PPP6R3: variants seen among roughly 807,000 people sequenced by gnomAD.
The protein encoded by PPP6R3 is protein phosphatase 6 regulatory subunit 3.
Under a neutral mutation model 110.7 loss-of-function variants are expected in PPP6R3, and 38 were observed. The ratio of observed to expected loss-of-function variants is 0.34; its 90% confidence interval spans 0.26 to 0.45. The LOEUF (loss-of-function observed/expected upper bound fraction) is 0.45, where lower values mean the gene tolerates loss of function less well. Among genes scored for constraint, PPP6R3 ranks in the 20% least tolerant of loss-of-function variants. PPP6R3 has a pLI of 1.00. For synonymous variants in PPP6R3, 369 were observed against 373.5 expected (o/e 0.99, Z 0.14); for missense variants, 870 against 1,062.4 (o/e 0.82, Z 2.52).
chr11:68,536,244 A>G (rs1213318725), intron 2 of PPP6R3, among the ~76,000 whole-genome samples: 2 of 151,684 alleles, frequency 1.3e-5, no homozygotes, highest in Admixed American at 6.6e-5. Context: ...TTCCTGTCTG[A>G]TCTCCTAAAG....
Position 68,613,823 on chromosome 11 carries a change from C to A in PPP6R3, c.*706C>A. The A allele has an allele frequency of 1.0e-6, 1 of 983,426 alleles. No homozygotes were observed. Among genetic ancestry groups the A allele is most frequent in the African/African-American group, 1.8e-5 (1 of 56,618 alleles). The allele number at this position is 983,426 out of a possible 1,614,324, so 60.9% of individuals were successfully genotyped here. Reference sequence around the variant, plus strand: ...GTAAAGCCATATGTTCTGTTCAAGTCTTGTTTGCTTGAAATGATTATTCCT... The same window carrying A: ...GTAAAGCCATATGTTCTGTTCAAGTATTGTTTGCTTGAAATGATTATTCCT... On this transcript the variant is annotated 3_prime_UTR_variant, in exon 24 of 24. Transcript: ENST00000393800.
intron 2 of PPP6R3, among the ~76,000 whole-genome samples, chr11:68,528,547 G>C (rs2099215442): frequency 1.3e-5 from 2 of 151,926 alleles, no homozygotes; most frequent in South Asian, 2.1e-4. Context: ...ATTGAGAGCT[G>C]CTTTTAAAGA....
At chr11:68,462,171 A>G (rs377546988) in intron 1 of PPP6R3, among the ~76,000 whole-genome samples, 47 of 152,316 alleles carry the variant, frequency 3.1e-4, no homozygotes, top group African/African-American at 1.1e-3. Context: ...TGGTTAGGCT[A>G]GTTAATGGCT....
chr11:68,613,249 T>C lies in PPP6R3; in HGVS notation c.*132T>C, dbSNP rs1445088594. On this transcript the variant is annotated 3_prime_UTR_variant, in exon 24 of 24. Coordinates refer to ENST00000393800, the MANE Select transcript of PPP6R3 (RefSeq NM_001164161.2). The stretch of plus-strand genomic sequence containing the variant: ...GCAAGGGATCAGGACCAGCAACCTT[T>C]ATATTCTAGATTCTAAGACATTGTA... 2.8e-5 allele frequency: 41 copies of C among 1,440,626 alleles called. No homozygotes were observed. The highest frequency in any genetic ancestry group is 3.5e-5 in the Non-Finnish European group (39 of 1,099,152). The allele number at this position is 1,440,626 out of a possible 1,614,324, so 89.2% of individuals were successfully genotyped here.
chr11:68,584,552 C>T (rs1479006797), intron 15 of PPP6R3, among the ~76,000 whole-genome samples: 4 of 152,194 alleles, frequency 2.6e-5, no homozygotes, highest in African/African-American at 7.2e-5. Context: ...TAATGATAAA[C>T]TTGGAACTTC....
chr11:68,497,196 G>A (rs1274548616), intron 1 of PPP6R3, among the ~76,000 whole-genome samples: 4 of 141,908 alleles, frequency 2.8e-5, no homozygotes, highest in African/African-American at 7.9e-5. Flanking sequence ...ACAGGTGCCC[G>A]CCACCACGCC....
chr11:68,595,574 A>G (rs971560917), intron 18 of PPP6R3, among the ~76,000 whole-genome samples: 2 of 152,156 alleles, frequency 1.3e-5, no homozygotes, highest in African/African-American at 2.4e-5. Context: ...TCACTCTTCA[A>G]ATGACACTTT....
intron 1 of PPP6R3, among the ~76,000 whole-genome samples, chr11:68,511,267 A>C (rs1592279750): frequency 1.3e-5 from 2 of 151,922 alleles, no homozygotes; most frequent in Admixed American, 6.6e-5. Flanking sequence ...GGGTTTCGCC[A>C]TGTTGGTAAG....
chr11:68,495,625 C>G (rs2099010509), intron 1 of PPP6R3, among the ~76,000 whole-genome samples: 1 of 152,124 alleles, frequency 6.6e-6, no homozygotes, highest in African/African-American at 2.4e-5. Context: ...CCCTCTTAGC[C>G]ATGTTTTCAA....
chr11:68,600,450 A>G lies in PPP6R3; in HGVS notation c.2148A>G (p.Lys716=). Residue 716 remains lysine, a synonymous_variant, in exon 20 of 24, where the codon AAA becomes AAG. Coordinates refer to ENST00000393800, the MANE Select transcript of PPP6R3 (RefSeq NM_001164161.2). ...VWSTEEPMPT[K]ETGWASFSEF... ...GCACAGAGGAGCCGATGCCAACTAA[A>G]GAGACGGGCTGGGCTTCTTTTTCAG... 6.2e-7 allele frequency: 1 copy of G among 1,614,134 alleles called. No individual in the cohort carries two copies. Among genetic ancestry groups the G allele is most frequent in the Non-Finnish European group, 8.5e-7 (1 of 1,180,014 alleles).
At position 68,523,388 on chromosome 11, in the gene PPP6R3, T is replaced by C. The variant is rs114829196; in HGVS notation, c.-7+3737T>C. ...TTCTGGTTTTATGTATTGTCATGTT[T>C]TGGTGAAGAACATTCTGCAGTAGCT... On this transcript the variant is annotated intron_variant, in intron 2 of 23. Coordinates refer to ENST00000393800, the MANE Select transcript of PPP6R3 (RefSeq NM_001164161.2). 2.7e-3 allele frequency among the ~76,000 whole-genome samples: 406 copies of C among 152,326 alleles called. 1 individual carries two copies. The highest frequency in any genetic ancestry group is 9.2e-3 in the African/African-American group (381 of 41,576).
intron 15 of PPP6R3, among the ~76,000 whole-genome samples, chr11:68,585,135 C>T (rs372839600): frequency 6.6e-5 from 10 of 152,298 alleles, no homozygotes; most frequent in African/African-American, 2.2e-4. Context: ...TGCCTCCAGG[C>T]GTTTGTGCCC....
intron 1 of PPP6R3, among the ~76,000 whole-genome samples, chr11:68,513,308 T>A (rs1473078466): frequency 2.0e-5 from 3 of 152,106 alleles, no homozygotes; most frequent in African/African-American, 7.2e-5. Flanking sequence ...ACAAATCTGG[T>A]ATTGGGGAAG....
chr11:68,584,681 TTTTG>T (rs764298397), intron 15 of PPP6R3, among the ~76,000 whole-genome samples: 9 of 152,204 alleles, frequency 5.9e-5, no homozygotes, highest in East Asian at 1.9e-4. Flanking sequence ...TCTTACATTA[TTTTG>T]TTTGTTTGAC....
chr11:68,545,450 T>C (rs886942986), intron 4 of PPP6R3, among the ~76,000 whole-genome samples: 1 of 152,150 alleles, frequency 6.6e-6, no homozygotes, highest in Admixed American at 6.5e-5. Flanking sequence ...TAATTGGTGA[T>C]TGGTTTGTAC....
intron 11 of PPP6R3, 109 bp from the exon 12 acceptor site, chr11:68,570,931 G>A (rs2099501915): frequency 7.4e-7 from 1 of 1,352,226 alleles, no homozygotes; most frequent in South Asian, 1.4e-5. Context: ...GTAACATTTA[G>A]CTTGCTAGAT....
chr11:68,569,487 A>G lies in PPP6R3; in HGVS notation c.1129-261A>G, dbSNP rs528068413. Reference sequence around the variant, plus strand: ...CTATACTGTAATGAATGTTATGTGAATGTCATCTCTTGGATTAGCATGTCT... The same window carrying G: ...CTATACTGTAATGAATGTTATGTGAGTGTCATCTCTTGGATTAGCATGTCT... On this transcript the variant is annotated intron_variant, in intron 10 of 23. Transcript: ENST00000393800. 3.3e-5 allele frequency among the ~76,000 whole-genome samples: 5 copies of G among 152,336 alleles called. No homozygotes were observed. In the South Asian group the frequency reaches 8.3e-4, roughly 25 times the overall value.
intron 6 of PPP6R3, among the ~76,000 whole-genome samples, chr11:68,553,293 CTTT>C (rs35624425): frequency 5.8e-5 from 8 of 138,650 alleles, no homozygotes; most frequent in Admixed American, 7.2e-5. Flanking sequence ...TTTGCTTTTA[CTTT>C]TTTTTTTTTT....
intron 1 of PPP6R3, among the ~76,000 whole-genome samples, chr11:68,490,339 C>T (rs2098975877): frequency 6.6e-6 from 1 of 152,008 alleles, no homozygotes; most frequent in Non-Finnish European, 1.5e-5. Flanking sequence ...TCCCTCCCAC[C>T]TTGATTTCTT....
Sources: allele counts gnomAD v4.1 joint callset (sites outside exome capture counted in the v4.1 genomes callset), GRCh38; gene constraint gnomAD v4.1.1; transcripts MANE v1.5; gene names NCBI Gene and HGNC (gene_info 2026-07-23, HGNC 2026-07-21).